Variants in NTRK2 observed in about 807,000 individuals in gnomAD.
The protein encoded by NTRK2 is BDNF/NT-3 growth factors receptor.
In NTRK2, 13 loss-of-function variants were observed where a neutral mutation model predicts 94.5. That is an observed-to-expected ratio of 0.14 (90% CI 0.09 to 0.22). NTRK2 has a LOEUF of 0.22. Ranked by LOEUF, NTRK2 falls within the 10% of genes least tolerant of loss-of-function variation. NTRK2 has a pLI of 1.00. For missense variants in NTRK2, 639 were observed against 1,071.2 expected (o/e 0.60, Z 5.63); for synonymous variants, 372 against 407.4 (o/e 0.91, Z 1.05).
intron 4 of NTRK2, among the ~76,000 whole-genome samples, 186 bp downstream of exon 4, chr9:84,702,605 G>C (rs1025745): frequency 1.3e-5 from 2 of 152,134 alleles, no homozygotes; most frequent in Non-Finnish European, 2.9e-5. Context: ...GGGGTACTTA[G>C]AACAGGCTGT....
intron 14 of NTRK2, among the ~76,000 whole-genome samples, chr9:84,905,856 T>C (rs887956440): frequency 6.6e-6 from 1 of 152,178 alleles, no homozygotes; most frequent in African/African-American, 2.4e-5. Context: ...GTGAAACCAA[T>C]AGCATTTGGC....
chr9:84,882,719 T>TGTGC (rs761042296), intron 14 of NTRK2, among the ~76,000 whole-genome samples: 1,573 of 145,806 alleles, frequency 0.011, 17 homozygotes, highest in Middle Eastern at 0.024. Flanking sequence ...TGTGTGTGTG[T>TGTGC]GCGCGCGCGC....
chr9:85,006,455 C>T lies in NTRK2; in HGVS notation c.2173-13751C>T, dbSNP rs370659526. 3.1e-4 allele frequency among the ~76,000 whole-genome samples: 46 copies of T among 150,708 alleles called. 1 individual carries two copies. Among genetic ancestry groups the T allele is most frequent in the Middle Eastern group, 3.4e-3 (1 of 292 alleles). ...ATGCCAAGGCAGCTTCAAGGTGAGC[C>T]GCTCCTGCCTCCAAGCCAGACTGCC... On this transcript the variant is annotated intron_variant, in intron 17 of 18. Coordinates refer to ENST00000277120, the MANE Select transcript of NTRK2 (RefSeq NM_006180.6).
intron 4 of NTRK2, among the ~76,000 whole-genome samples, chr9:84,706,756 T>C (rs529936069): frequency 1.5e-3 from 225 of 151,920 alleles, no homozygotes; most frequent in African/African-American, 5.2e-3. Flanking sequence ...GGTCTCGATC[T>C]CCTGACCTCA....
chr9:84,868,140 C>T (rs1393132424), intron 14 of NTRK2, among the ~76,000 whole-genome samples: 1 of 152,156 alleles, frequency 6.6e-6, no homozygotes, highest in Non-Finnish European at 1.5e-5. Context: ...AATAAACCCA[C>T]AGTGGACAAA....
intron 17 of NTRK2, among the ~76,000 whole-genome samples, chr9:84,995,786 A>G (rs554798874): frequency 1.0e-3 from 157 of 152,272 alleles, no homozygotes; most frequent in African/African-American, 3.7e-3. Flanking sequence ...CTAAACAGAA[A>G]CTCGAGGTCA....
rs2063065428 is a variant in NTRK2 at position 84,733,860 on chromosome 9, TC to T, written c.1159+5902del. 3.3e-5 allele frequency among the ~76,000 whole-genome samples: 5 copies of T among 152,342 alleles called. No homozygotes were observed. The South Asian group carries it at 1.0e-3, about 32-fold the overall frequency. ...ACTATTAAATGGAATAGGTGGAACC[TC>T]TAAGATTTTACTTCTAATGAGATAA... On this transcript the variant is annotated intron_variant, in intron 9 of 18. Transcript: ENST00000277120.
At chr9:84,948,301 A>G (rs1490645017) in intron 15 of NTRK2, among the ~76,000 whole-genome samples, 161 bp from the exon 16 acceptor site, 1 of 152,222 alleles carries the variant, frequency 6.6e-6, no homozygotes, top group African/African-American at 2.4e-5. Flanking sequence ...AGCTTTGCAT[A>G]TGCCTAAGGA....
At chr9:84,872,942 C>A (rs2075919465) in intron 14 of NTRK2, 2 of 1,065,092 alleles carry the variant, frequency 1.9e-6, no homozygotes, top group Non-Finnish European at 2.3e-6. Context: ...AGGGGAAAGG[C>A]TGGAGGTGAT....
chr9:84,888,190 C>T (rs1400718463), intron 14 of NTRK2, among the ~76,000 whole-genome samples: 1 of 152,088 alleles, frequency 6.6e-6, no homozygotes, highest in East Asian at 1.9e-4. Context: ...TTAACCAGTT[C>T]TGGAAAGGGA....
chr9:84,779,627 G>A (rs1047233782), intron 12 of NTRK2, among the ~76,000 whole-genome samples: 1 of 152,218 alleles, frequency 6.6e-6, no homozygotes, highest in African/African-American at 2.4e-5. Flanking sequence ...CCGTAGGGTT[G>A]CTGCACCTTT....
rs78608264 is a variant in NTRK2, at chr9:84,849,180, A to G, written c.1397-11860A>G. Among the ~76,000 whole-genome samples the G allele has an allele frequency of 4.6e-3, 704 of 152,270 alleles. 13 individuals are homozygous for G. Among genetic ancestry groups the G allele is most frequent in the Admixed American group, 0.038 (574 of 15,284 alleles). On this transcript the variant is annotated intron_variant, in intron 12 of 18. Transcript: ENST00000277120. The stretch of plus-strand genomic sequence containing the variant: ...TGATTTCTCCTCCTGCTGCACATAC[A>G]ACACAGTTTGGCAGGGGGGACTCTA...
intron 14 of NTRK2, among the ~76,000 whole-genome samples, chr9:84,892,757 C>T (rs1469946572): frequency 1.3e-5 from 2 of 152,168 alleles, no homozygotes; most frequent in African/African-American, 2.4e-5. Context: ...TCCATCTCTA[C>T]TAAAAAATAC....
intron 12 of NTRK2, among the ~76,000 whole-genome samples, chr9:84,799,381 A>G (rs1008329360): frequency 3.3e-5 from 5 of 152,164 alleles, no homozygotes; most frequent in African/African-American, 9.7e-5. Flanking sequence ...TTCTTTGCCA[A>G]TGCCATTTTT....
intron 14 of NTRK2, among the ~76,000 whole-genome samples, chr9:84,933,723 G>C (rs924772677): frequency 4.6e-5 from 7 of 152,164 alleles, no homozygotes; most frequent in South Asian, 2.1e-4. Context: ...CTCTGACTCT[G>C]TCTCCCTTAG....
At chr9:84,680,003 G>C (rs770967199) in intron 2 of NTRK2, among the ~76,000 whole-genome samples, 7 of 152,056 alleles carry the variant, frequency 4.6e-5, no homozygotes, top group Non-Finnish European at 8.8e-5. Context: ...TTTTCTAACT[G>C]ACCTCTTTGG....
At chr9:84,678,998 T>C (rs1480803268) in intron 2 of NTRK2, among the ~76,000 whole-genome samples, 1 of 152,158 alleles carries the variant, frequency 6.6e-6, no homozygotes, top group Non-Finnish European at 1.5e-5. Context: ...CAAAATGGGA[T>C]TGGTGCCCTT....
intron 14 of NTRK2, among the ~76,000 whole-genome samples, chr9:84,879,117 G>T (rs979223541): frequency 2.6e-5 from 4 of 152,004 alleles, no homozygotes; most frequent in African/African-American, 9.7e-5. Flanking sequence ...CCAGAGTGAG[G>T]AAATGAATGA....
intron 17 of NTRK2, among the ~76,000 whole-genome samples, chr9:84,991,104 G>A (rs1438134558): frequency 1.3e-5 from 2 of 152,130 alleles, no homozygotes; most frequent in Non-Finnish European, 2.9e-5. Flanking sequence ...CGATTTATTA[G>A]GAAAGCTCAC....
Sources: allele counts gnomAD v4.1 joint callset (sites outside exome capture counted in the v4.1 genomes callset), GRCh38; gene constraint gnomAD v4.1.1; transcripts MANE v1.5; gene names NCBI Gene and HGNC (gene_info 2026-07-23, HGNC 2026-07-21).